The following SOS2 variants were observed in gnomAD, a reference collection of about 807,000 sequenced individuals.
The protein encoded by SOS2 is SOS Ras/Rho guanine nucleotide exchange factor 2.
In SOS2, 65 loss-of-function variants were observed where a neutral mutation model predicts 148.2. The ratio of observed to expected loss-of-function variants is 0.44; its 90% CI spans 0.36 to 0.54. The LOEUF (loss-of-function observed/expected upper bound fraction) is 0.54. SOS2 is among the 20% of genes least tolerant of loss of function. The probability of loss-of-function intolerance (pLI) is 0.00; values close to 1 mark genes in which losing one functional copy is unlikely to be tolerated. For missense variants in SOS2, 1,341 were observed against 1,590.2 expected, an observed-to-expected ratio of 0.84 and a Z score of 2.67; for synonymous variants, 539 against 537.1, an observed-to-expected ratio of 1.00 and a Z score of -0.05.
At chr14:50,170,040 C>T (rs1046654883) in intron 8 of SOS2, among the ~76,000 whole-genome samples, 4 of 151,924 alleles carry the variant, frequency 2.6e-5, no homozygotes, top group African/African-American at 9.7e-5. Context: ...ATCCTCCTGC[C>T]TCAGCCTCCC....
chr14:50,196,723 C>A (rs745765427), intron 4 of SOS2, among the ~76,000 whole-genome samples: 40 of 152,002 alleles, frequency 2.6e-4, no homozygotes, highest in Non-Finnish European at 4.6e-4. Context: ...TTACCTTGTA[C>A]TCCATAAATA....
At chr14:50,172,653 G>A (rs1293636031) in intron 8 of SOS2, among the ~76,000 whole-genome samples, 1 of 151,910 alleles carries the variant, frequency 6.6e-6, no homozygotes, top group Non-Finnish European at 1.5e-5. Context: ...ACAGGCATGA[G>A]CCACCGCACC....
chr14:50,153,634 T>C (rs1397815710), intron 12 of SOS2, among the ~76,000 whole-genome samples: 2 of 152,096 alleles, frequency 1.3e-5, no homozygotes, highest in South Asian at 4.1e-4. Context: ...TTTTTTGAGA[T>C]GGAATTTTGC....
intron 1 of SOS2, among the ~76,000 whole-genome samples, chr14:50,227,442 T>G (rs1055392550): frequency 2.6e-5 from 4 of 151,258 alleles, no homozygotes; most frequent in African/African-American, 9.7e-5. Context: ...AGACAGAGTC[T>G]TACTCCATCG....
intron 6 of SOS2, among the ~76,000 whole-genome samples, chr14:50,180,961 T>A (rs1885715453): frequency 6.6e-6 from 1 of 151,580 alleles, no homozygotes; most frequent in Non-Finnish European, 1.5e-5. Context: ...CAAAACAAAT[T>A]TTGAAAAAAA....
chr14:50,168,337 T>C (rs1885233123), intron 8 of SOS2, among the ~76,000 whole-genome samples: 1 of 152,186 alleles, frequency 6.6e-6, no homozygotes, highest in Non-Finnish European at 1.5e-5. Flanking sequence ...TCCTCTCATC[T>C]CAGTCTCACA....
chr14:50,190,406 T>C, intron 4 of SOS2, among the ~76,000 whole-genome samples: 1 of 152,152 alleles, frequency 6.6e-6, no homozygotes, highest in Middle Eastern at 3.2e-3. Flanking sequence ...GTTGGTAAAA[T>C]ATGCTAATAA....
chr14:50,142,867 T>G (rs900708069), intron 16 of SOS2, among the ~76,000 whole-genome samples: 3 of 152,200 alleles, frequency 2.0e-5, no homozygotes, highest in African/African-American at 7.2e-5. Context: ...TTAACATATA[T>G]TGTTAGACTG....
chr14:50,119,979 T>G (rs1883446845), intron 22 of SOS2, among the ~76,000 whole-genome samples: 1 of 151,664 alleles, frequency 6.6e-6, no homozygotes, highest in Non-Finnish European at 1.5e-5. Context: ...ACCCAGCTAA[T>G]TTTTTGTATT....
intron 1 of SOS2, among the ~76,000 whole-genome samples, chr14:50,226,525 G>C (rs1887382678): frequency 6.6e-6 from 1 of 152,092 alleles, no homozygotes; most frequent in Admixed American, 6.6e-5. Flanking sequence ...CTTTTTCCTT[G>C]CCGTAGACTG....
At chr14:50,192,247 C>A (rs1001757760) in intron 4 of SOS2, among the ~76,000 whole-genome samples, 22 of 151,478 alleles carry the variant, frequency 1.5e-4, no homozygotes, top group Non-Finnish European at 2.6e-4. Context: ...ATTCATACCC[C>A]ACTCCTGTTA....
intron 16 of SOS2, among the ~76,000 whole-genome samples, chr14:50,142,983 A>T (rs1220185175): frequency 6.6e-6 from 1 of 152,242 alleles, no homozygotes. Context: ...CAGGTACAAA[A>T]GCAAAGGAAG....
chr14:50,172,319 T>C (rs2139671742), intron 8 of SOS2, among the ~76,000 whole-genome samples: 1 of 152,266 alleles, frequency 6.6e-6, no homozygotes, highest in East Asian at 1.9e-4. Flanking sequence ...TATTTGTTCT[T>C]GTTGTTGCTG....
At chr14:50,224,264 C>A (rs1489699406) in intron 1 of SOS2, among the ~76,000 whole-genome samples, 2 of 145,588 alleles carry the variant, frequency 1.4e-5, no homozygotes, top group East Asian at 2.1e-4. Context: ...GCACTCCAGC[C>A]TGGGTGACAG....
At chr14:50,231,097 GC>G in intron 1 of SOS2, 99 bp downstream of exon 1, 1 of 688,502 alleles carries the variant, frequency 1.5e-6, no homozygotes, top group Non-Finnish European at 2.1e-6. Flanking sequence ...AAACGGCTCG[GC>G]CCCGGGGACT....
At chr14:50,229,901 T>C (rs1014062500) in intron 1 of SOS2, among the ~76,000 whole-genome samples, 23 of 152,224 alleles carry the variant, frequency 1.5e-4, no homozygotes, top group Non-Finnish European at 1.5e-4. Context: ...AGAGTTCATT[T>C]TCACCACTCA....
intron 8 of SOS2, among the ~76,000 whole-genome samples, chr14:50,171,023 A>T (rs1165249606): frequency 6.6e-6 from 1 of 151,848 alleles, no homozygotes; most frequent in Non-Finnish European, 1.5e-5. Flanking sequence ...CTGAGGCAGG[A>T]GAATCGCTTG....
At chr14:50,216,901 G>A (rs1210153793) in intron 1 of SOS2, among the ~76,000 whole-genome samples, 2 of 152,172 alleles carry the variant, frequency 1.3e-5, no homozygotes, top group Non-Finnish European at 2.9e-5. Context: ...ATCTGTAGAT[G>A]CAACACAATC....
intron 1 of SOS2, among the ~76,000 whole-genome samples, chr14:50,217,324 TAAGAC>T (rs1754915119): frequency 6.6e-6 from 1 of 152,118 alleles, no homozygotes; most frequent in African/African-American, 2.4e-5. Flanking sequence ...ATCAGCACCA[TAAGAC>T]AAGGTGAGAT....
Sources: allele counts gnomAD v4.1 joint callset (sites outside exome capture counted in the v4.1 genomes callset), GRCh38; gene constraint gnomAD v4.1.1; transcripts MANE v1.5; gene names NCBI Gene and HGNC (gene_info 2026-07-23, HGNC 2026-07-21).